The following SLC24A2 variants were observed in gnomAD, a reference collection of about 807,000 sequenced individuals.
The protein encoded by SLC24A2 is sodium/potassium/calcium exchanger 2.
Under a neutral mutation model 62.0 loss-of-function variants are expected in SLC24A2, and 36 were observed. The observed-to-expected ratio is 0.58, with a 90% CI of 0.44 to 0.77. SLC24A2 has a LOEUF of 0.77. Ranked by LOEUF, SLC24A2 falls within the 30% of genes least tolerant of loss-of-function variation. The pLI is 0.00. For synonymous variants in SLC24A2, 358 were observed against 294.0 expected, an observed-to-expected ratio of 1.22 and a Z score of -2.23; for missense variants, 846 against 817.9, an observed-to-expected ratio of 1.03 and a Z score of -0.42.
At chr9:19,742,677 T>C (rs1392625790) in intron 2 of SLC24A2, among the ~76,000 whole-genome samples, 1 of 152,166 alleles carries the variant, frequency 6.6e-6, no homozygotes, top group African/African-American at 2.4e-5. Context: ...CCTCCTTTCA[T>C]GAAGGTTCTC....
the SLC24A2 span, among the ~76,000 whole-genome samples, chr9:20,293,305 G>A: frequency 5.3e-5 from 8 of 152,198 alleles, no homozygotes; most frequent in African/African-American, 1.9e-4. Flanking sequence ...CCTTCTCCCA[G>A]AAAGGTAGGG....
chr9:19,782,267 T>TTCC (rs1823040190), intron 2 of SLC24A2, among the ~76,000 whole-genome samples: 1 of 152,186 alleles, frequency 6.6e-6, no homozygotes, highest in African/African-American at 2.4e-5. Flanking sequence ...GAAACTTAAC[T>TTCC]GCTTCACATC....
chr9:20,269,001 A>G, the SLC24A2 span, among the ~76,000 whole-genome samples: 1 of 152,176 alleles, frequency 6.6e-6, no homozygotes, highest in African/African-American at 2.4e-5. Flanking sequence ...GATTTTTGTT[A>G]TTGTTGCTAA....
At chr9:20,177,208 T>C in the SLC24A2 span, among the ~76,000 whole-genome samples, 2 of 152,138 alleles carry the variant, frequency 1.3e-5, no homozygotes, top group African/African-American at 4.8e-5. Flanking sequence ...TTTAAGTTCA[T>C]ATCTGTAGTA....
At chr9:20,039,240 A>T in the SLC24A2 span, among the ~76,000 whole-genome samples, 1 of 152,120 alleles carries the variant, frequency 6.6e-6, no homozygotes, top group East Asian at 1.9e-4. Context: ...GCCTCAAATG[A>T]CCCAAAGGGA....
intron 2 of SLC24A2, among the ~76,000 whole-genome samples, chr9:19,649,065 T>C (rs903305501): frequency 1.4e-5 from 2 of 143,266 alleles, no homozygotes; most frequent in African/African-American, 5.1e-5. Flanking sequence ...ATGGGAAAAG[T>C]GGACATCATC....
the SLC24A2 span, among the ~76,000 whole-genome samples, chr9:19,898,860 G>C: frequency 1.3e-5 from 2 of 152,102 alleles, no homozygotes; most frequent in Admixed American, 1.3e-4. Flanking sequence ...ACTTCAGCTG[G>C]TTGAAGCATA....
the SLC24A2 span, among the ~76,000 whole-genome samples, chr9:19,975,339 C>CA: frequency 4.6e-5 from 7 of 152,250 alleles, no homozygotes; most frequent in African/African-American, 1.2e-4. Context: ...ATGGCAATCT[C>CA]AAAAAAATCC....
At chr9:19,908,942 G>A in the SLC24A2 span, among the ~76,000 whole-genome samples, 5,808 of 152,186 alleles carry the variant, frequency 0.038, 382 homozygotes, top group African/African-American at 0.13. Context: ...CAGGGATCTA[G>A]AAGTAGGAAT....
intron 8 of SLC24A2, among the ~76,000 whole-genome samples, chr9:19,544,255 C>CTTTTT (rs375479154): frequency 0.8 from 99,552 of 123,858 alleles, 41,766 homozygotes; most frequent in East Asian, 0.97. Flanking sequence ...GCAACCCCTG[C>CTTTTT]TTTTTTTTTT....
chr9:19,627,657 T>C (rs552972856), intron 2 of SLC24A2, among the ~76,000 whole-genome samples: 1 of 152,208 alleles, frequency 6.6e-6, no homozygotes, highest in East Asian at 1.9e-4. Flanking sequence ...TCCCAAGTAG[T>C]TGGGTCTGTA....
At chr9:19,580,434 G>A (rs1836167715) in intron 5 of SLC24A2, among the ~76,000 whole-genome samples, 1 of 152,236 alleles carries the variant, frequency 6.6e-6, no homozygotes, top group African/African-American at 2.4e-5. Context: ...GGATACGCCT[G>A]AGATCATCAC....
chr9:20,141,024 A>C, the SLC24A2 span, among the ~76,000 whole-genome samples: 17 of 152,202 alleles, frequency 1.1e-4, no homozygotes, highest in East Asian at 9.7e-4. Context: ...TCTCCTCCTC[A>C]GAAGATTTCT....
intron 2 of SLC24A2, among the ~76,000 whole-genome samples, chr9:19,637,331 G>T (rs189103186): frequency 1.5e-3 from 226 of 152,336 alleles, no homozygotes; most frequent in African/African-American, 4.2e-3. Context: ...GTCTGCCCTG[G>T]GCATCAGGCA....
chr9:19,946,553 G>A, the SLC24A2 span, among the ~76,000 whole-genome samples: 3,055 of 152,282 alleles, frequency 0.02, 93 homozygotes, highest in African/African-American at 0.07. Flanking sequence ...TGCCTTAACC[G>A]TAAATCAGCT....
chr9:19,663,534 C>T lies in SLC24A2; in HGVS notation c.931-41235G>A, dbSNP rs1296092417. ...TCCTGACTTGTCAACAGAATAGGCT[C>T]CTGGGGACCTGGGAATGGATCAGAA... On this transcript the variant is annotated intron_variant, in intron 2 of 10. Coordinates refer to ENST00000341998, the MANE Select transcript of SLC24A2 (RefSeq NM_020344.4). Among the ~76,000 whole-genome samples, 5 of 152,164 alleles carry T rather than the reference C, an allele frequency of 3.3e-5. No individual in the cohort carries two copies. In the East Asian group the frequency reaches 9.7e-4, roughly 29 times the overall value.
the SLC24A2 span, among the ~76,000 whole-genome samples, chr9:19,936,687 A>G: frequency 6.6e-6 from 1 of 152,220 alleles, no homozygotes; most frequent in East Asian, 1.9e-4. Flanking sequence ...AGAAGAACTA[A>G]AAGTAATAAT....
chr9:20,124,726 C>T, the SLC24A2 span, among the ~76,000 whole-genome samples: 1 of 152,162 alleles, frequency 6.6e-6, no homozygotes, highest in African/African-American at 2.4e-5. Flanking sequence ...TTAATGTGCC[C>T]CCAGTTCCCT....
the SLC24A2 span, among the ~76,000 whole-genome samples, chr9:19,924,823 C>T: frequency 6.6e-6 from 1 of 152,224 alleles, no homozygotes; most frequent in African/African-American, 2.4e-5. Context: ...GCTCTCCTGT[C>T]TCTGGGAGAG....
Sources: gnomAD v4.1 joint callset for allele counts (sites outside exome capture counted in the v4.1 genomes callset) on GRCh38, gnomAD v4.1.1 for gene constraint, MANE v1.5 for transcripts, NCBI Gene and HGNC (gene_info 2026-07-23, HGNC 2026-07-21) for gene names.